EDAR: variants seen among roughly 807,000 people sequenced by gnomAD.
EDAR encodes ectodysplasin A receptor.
Under a neutral mutation model 51.3 loss-of-function variants are expected in EDAR, and 38 were observed. The observed-to-expected ratio is 0.74, with a 90% confidence interval of 0.57 to 0.97. The LOEUF (loss-of-function observed/expected upper bound fraction) is 0.97. Among genes scored for constraint, EDAR ranks in the 50% least tolerant of loss-of-function variants. The pLI is 0.00. For synonymous variants in EDAR, 227 were observed against 242.1 expected (o/e 0.94, Z 0.58); for missense variants, 528 against 595.0 (o/e 0.89, Z 1.17).
At chr2:108,917,029 G>A (rs1295391953) in intron 5 of EDAR, among the ~76,000 whole-genome samples, 2 of 152,210 alleles carry the variant, frequency 1.3e-5, no homozygotes, top group Non-Finnish European at 2.9e-5. Flanking sequence ...TCGGAGCTCG[G>A]CAATAAGGAA....
At chr2:108,921,815 G>A (rs1196889161) in intron 5 of EDAR, among the ~76,000 whole-genome samples, 1 of 152,236 alleles carries the variant, frequency 6.6e-6, no homozygotes, top group African/African-American at 2.4e-5. Context: ...TCCCAGATGG[G>A]CAAGCCGAGG....
At chr2:108,933,295 T>C (rs1312135540) in intron 1 of EDAR, among the ~76,000 whole-genome samples, 1 of 152,208 alleles carries the variant, frequency 6.6e-6, no homozygotes, top group African/African-American at 2.4e-5. Flanking sequence ...CTGGGGAACA[T>C]TCACTTTTTA....
chr2:108,897,741 C>T (rs1696626726), intron 11 of EDAR, among the ~76,000 whole-genome samples: 1 of 152,176 alleles, frequency 6.6e-6, no homozygotes, highest in Non-Finnish European at 1.5e-5. Flanking sequence ...CTTCACTGTA[C>T]ATTAGACTCA....
rs760936728 is a variant in EDAR at position 108,897,246 on chromosome 2, C to A, written c.1025-17G>T. On this transcript the variant is annotated splice_polypyrimidine_tract_variant and intron_variant, in intron 11 of 11. Coordinates refer to ENST00000258443, the MANE Select transcript of EDAR (RefSeq NM_022336.4). ...GGCTAAGACCTACAGACACCAATGGCCACAGTTAGATGTTGCAAGTCACAG... is the reference window on the plus strand; with the variant it reads ...GGCTAAGACCTACAGACACCAATGGACACAGTTAGATGTTGCAAGTCACAG... The A allele has an allele frequency of 1.9e-6, 3 of 1,607,766 alleles. No homozygotes were observed.
intron 11 of EDAR, among the ~76,000 whole-genome samples, chr2:108,900,424 C>T (rs1226059534): frequency 6.6e-6 from 1 of 152,044 alleles, no homozygotes; most frequent in Non-Finnish European, 1.5e-5. Flanking sequence ...TGTGGTGGCA[C>T]ATGCCTGTGA....
chr2:108,947,756 C>T (rs1215580807), intron 1 of EDAR, among the ~76,000 whole-genome samples: 1 of 152,144 alleles, frequency 6.6e-6, no homozygotes, highest in East Asian at 1.9e-4. Flanking sequence ...ACCATTTTTC[C>T]CTCCCAGGCC....
chr2:108,944,649 G>A (rs1391382339), intron 1 of EDAR, among the ~76,000 whole-genome samples: 1 of 152,134 alleles, frequency 6.6e-6, no homozygotes, highest in Non-Finnish European at 1.5e-5. Context: ...TGGGGGATAG[G>A]GTGGGCAAAG....
chr2:108,904,831 T>C (rs975242271), intron 11 of EDAR, among the ~76,000 whole-genome samples: 2 of 151,990 alleles, frequency 1.3e-5, no homozygotes, highest in African/African-American at 4.8e-5. Flanking sequence ...GGGTGGAAAT[T>C]GGCTGTGGCT....
At chr2:108,916,930 A>G (rs1162656206) in intron 5 of EDAR, among the ~76,000 whole-genome samples, 1 of 152,128 alleles carries the variant, frequency 6.6e-6, no homozygotes, top group East Asian at 1.9e-4. Flanking sequence ...AAGGAGCAGG[A>G]GGACATGGGG....
At chr2:108,973,584 G>T (rs887866720) in intron 1 of EDAR, among the ~76,000 whole-genome samples, 2 of 152,090 alleles carry the variant, frequency 1.3e-5, no homozygotes, top group African/African-American at 4.8e-5. Flanking sequence ...AATCCTCAAT[G>T]ACTTCTTCCC....
chr2:108,960,835 C>A (rs1342861494), intron 1 of EDAR, among the ~76,000 whole-genome samples: 2 of 152,194 alleles, frequency 1.3e-5, no homozygotes, highest in African/African-American at 4.8e-5. Flanking sequence ...TAATGAGCCT[C>A]TTCATTTGAA....
chr2:108,916,892 G>C (rs1253866725), intron 5 of EDAR, among the ~76,000 whole-genome samples: 1 of 152,168 alleles, frequency 6.6e-6, no homozygotes, highest in Non-Finnish European at 1.5e-5. Flanking sequence ...GACTGGTCAG[G>C]AGAATCACAG....
chr2:108,923,526 G>A lies in EDAR; in HGVS notation c.357-73C>T, dbSNP rs1387686392. 6.3e-6 allele frequency: 9 copies of A among 1,427,086 alleles called. No homozygotes were observed. In the East Asian group the frequency reaches 2.0e-4, roughly 32 times the overall value. The allele number at this position is 1,427,086 out of a possible 1,614,324, so 88.4% of individuals were successfully genotyped here. On this transcript the variant is annotated intron_variant, in intron 4 of 11. Transcript: ENST00000258443. ...ACACAGGCAGGGACTGGTGCAGAGA[G>A]CACGGTGGCCAGTCTGCAGGCCCAC... is the stretch of plus-strand genomic sequence containing the variant.
chr2:108,957,309 T>C (rs903157070), intron 1 of EDAR, among the ~76,000 whole-genome samples: 4 of 152,250 alleles, frequency 2.6e-5, no homozygotes, highest in African/African-American at 4.8e-5. Context: ...CTCTTGTTTA[T>C]GGGCAGAGAT....
chr2:108,959,448 GTCC>G (rs1176288872), intron 1 of EDAR, among the ~76,000 whole-genome samples: 1 of 152,252 alleles, frequency 6.6e-6, no homozygotes, highest in Admixed American at 6.5e-5. Context: ...CCCAGTTCAG[GTCC>G]TCCTGGGTCT....
At chr2:108,935,583 G>T (rs1033560625) in intron 1 of EDAR, among the ~76,000 whole-genome samples, 4 of 152,118 alleles carry the variant, frequency 2.6e-5, no homozygotes, top group African/African-American at 9.7e-5. Flanking sequence ...CCTTGGCTGG[G>T]TCTCTCCCTC....
At chr2:108,969,785 T>C (rs1003055875) in intron 1 of EDAR, among the ~76,000 whole-genome samples, 6 of 152,082 alleles carry the variant, frequency 3.9e-5, no homozygotes, top group Non-Finnish European at 8.8e-5. Context: ...GACAGAAACA[T>C]GTAAAAGAAG....
At chr2:108,941,659 G>A (rs188177937) in intron 1 of EDAR, among the ~76,000 whole-genome samples, 1 of 152,318 alleles carries the variant, frequency 6.6e-6, no homozygotes, top group East Asian at 1.9e-4. Context: ...TTCTCAACAA[G>A]TCACTTCCAA....
At chr2:108,988,513 C>T (rs1400645101) in intron 1 of EDAR, among the ~76,000 whole-genome samples, 2 of 152,196 alleles carry the variant, frequency 1.3e-5, no homozygotes, top group African/African-American at 4.8e-5. Flanking sequence ...GGAAACCCCA[C>T]TTGGAAGGTC....
Sources: gnomAD v4.1 joint callset for allele counts (sites outside exome capture counted in the v4.1 genomes callset) on GRCh38, gnomAD v4.1.1 for gene constraint, MANE v1.5 for transcripts, NCBI Gene and HGNC (gene_info 2026-07-23, HGNC 2026-07-21) for gene names.